The following GABRB2 variants were observed in gnomAD, a reference collection of about 807,000 sequenced individuals.
GABRB2 encodes gamma-aminobutyric acid type A receptor subunit beta2.
A neutral mutation model predicts 54.7 loss-of-function variants in GABRB2; 16 were observed. The ratio of observed to expected loss-of-function variants is 0.29; its 90% CI spans 0.20 to 0.44. The LOEUF (loss-of-function observed/expected upper bound fraction) is 0.44, where lower values mean the gene tolerates loss of function less well. GABRB2 is among the 20% of genes least tolerant of loss of function. The pLI is 1.00. For synonymous variants in GABRB2, 244 were observed against 233.8 expected (o/e 1.04, Z -0.40); for missense variants, 355 against 644.0 (o/e 0.55, Z 4.86).
intron 3 of GABRB2, among the ~76,000 whole-genome samples, chr5:161,492,724 A>G (rs1759119807): frequency 6.6e-6 from 1 of 151,704 alleles, no homozygotes; most frequent in African/African-American, 2.4e-5. Flanking sequence ...TTACATCTAC[A>G]CCACAAAAGG....
intron 9 of GABRB2, among the ~76,000 whole-genome samples, chr5:161,305,178 G>A (rs1304121103): frequency 6.0e-5 from 9 of 151,138 alleles, no homozygotes; most frequent in African/African-American, 2.2e-4. Context: ...CACCGCGCCC[G>A]GCTAATTTTT....
At chr5:161,411,814 T>TTATATA (rs202054186) in intron 4 of GABRB2, among the ~76,000 whole-genome samples, 10 of 149,596 alleles carry the variant, frequency 6.7e-5, no homozygotes, top group African/African-American at 2.4e-4. Context: ...CATTTAGAGT[T>TTATATA]TATATATATA....
chr5:161,540,707 T>C (rs369662511), intron 3 of GABRB2, among the ~76,000 whole-genome samples: 4 of 152,158 alleles, frequency 2.6e-5, no homozygotes, highest in African/African-American at 7.2e-5. Flanking sequence ...AGAATGGATG[T>C]TGTGTTAGCA....
intron 4 of GABRB2, among the ~76,000 whole-genome samples, chr5:161,435,623 G>A (rs1189995108): frequency 6.6e-6 from 1 of 152,164 alleles, no homozygotes; most frequent in Non-Finnish European, 1.5e-5. Context: ...AAGTGAGAGG[G>A]AAGAGGGCGG....
chr5:161,500,828 G>A (rs949926034), intron 3 of GABRB2, among the ~76,000 whole-genome samples: 1 of 151,910 alleles, frequency 6.6e-6, no homozygotes, highest in Non-Finnish European at 1.5e-5. Context: ...AATGTTTCTT[G>A]ATTTTTTTTT....
intron 3 of GABRB2, among the ~76,000 whole-genome samples, chr5:161,483,064 C>A (rs766134506): frequency 3.3e-5 from 5 of 151,950 alleles, no homozygotes; most frequent in South Asian, 2.1e-4. Context: ...TAATGGCTAC[C>A]AATAAGTCCT....
intron 5 of GABRB2, among the ~76,000 whole-genome samples, chr5:161,393,104 C>T (rs1256720508): frequency 6.6e-6 from 1 of 150,880 alleles, no homozygotes; most frequent in Non-Finnish European, 1.5e-5. Flanking sequence ...AAAATAAAAA[C>T]ATGAAAGGTA....
intron 5 of GABRB2, among the ~76,000 whole-genome samples, chr5:161,363,388 G>T (rs1396395910): frequency 1.3e-5 from 2 of 152,114 alleles, no homozygotes; most frequent in Non-Finnish European, 2.9e-5. Context: ...GGGGCTGGGG[G>T]GCTGAGGGAG....
chr5:161,495,071 A>G (rs1358075035), intron 3 of GABRB2, among the ~76,000 whole-genome samples: 3 of 152,020 alleles, frequency 2.0e-5, no homozygotes, highest in Non-Finnish European at 4.4e-5. Context: ...TTAATACCAA[A>G]GATCACATGA....
intron 3 of GABRB2, among the ~76,000 whole-genome samples, chr5:161,537,723 T>C (rs527344948): frequency 3.9e-5 from 6 of 152,204 alleles, no homozygotes; most frequent in East Asian, 3.9e-4. Flanking sequence ...AATCTGTTCA[T>C]GCAATTCTAT....
At chr5:161,506,216 G>C (rs954635424) in intron 3 of GABRB2, among the ~76,000 whole-genome samples, 2 of 151,868 alleles carry the variant, frequency 1.3e-5, no homozygotes, top group African/African-American at 4.8e-5. Context: ...TTTAACAAAT[G>C]GGCAAAACCT....
chr5:161,511,126 A>T (rs2113404449), intron 3 of GABRB2, among the ~76,000 whole-genome samples: 1 of 152,112 alleles, frequency 6.6e-6, no homozygotes, highest in Non-Finnish European at 1.5e-5. Context: ...ATGCCTCATT[A>T]TAGGGGTACT....
At chr5:161,294,990 C>T (rs1399981193) in intron 9 of GABRB2, among the ~76,000 whole-genome samples, 1 of 152,142 alleles carries the variant, frequency 6.6e-6, no homozygotes, top group East Asian at 1.9e-4. Context: ...TATGAGATGT[C>T]ACCTTAAATT....
intron 5 of GABRB2, among the ~76,000 whole-genome samples, chr5:161,374,780 T>C (rs150197524): frequency 4.6e-5 from 7 of 152,184 alleles, no homozygotes; most frequent in Admixed American, 2.6e-4. Flanking sequence ...CTGATCTTCA[T>C]GGGTACACAT....
At chr5:161,513,923 G>C (rs1759856973) in intron 3 of GABRB2, among the ~76,000 whole-genome samples, 1 of 152,114 alleles carries the variant, frequency 6.6e-6, no homozygotes, top group Admixed American at 6.6e-5. Flanking sequence ...AGCTGGAGAT[G>C]AGCTATAATA....
At chr5:161,398,072 A>T (rs1052455303) in intron 5 of GABRB2, among the ~76,000 whole-genome samples, 1 of 152,210 alleles carries the variant, frequency 6.6e-6, no homozygotes, top group East Asian at 1.9e-4. Context: ...GAGACAGATA[A>T]ATAAATGTGA....
intron 3 of GABRB2, among the ~76,000 whole-genome samples, chr5:161,460,557 A>G (rs757164594): frequency 2.0e-4 from 31 of 152,204 alleles, no homozygotes; most frequent in Non-Finnish European, 3.8e-4. Flanking sequence ...TGAGATATAA[A>G]CACAATTTTA....
At chr5:161,306,171 A>G (rs1757685471) in intron 9 of GABRB2, among the ~76,000 whole-genome samples, 1 of 152,226 alleles carries the variant, frequency 6.6e-6, no homozygotes, top group Non-Finnish European at 1.5e-5. Flanking sequence ...TTGGACATAC[A>G]AAACCAGTCA....
At chr5:161,514,589 G>T (rs1278264749) in intron 3 of GABRB2, among the ~76,000 whole-genome samples, 1 of 152,110 alleles carries the variant, frequency 6.6e-6, no homozygotes, top group Non-Finnish European at 1.5e-5. Context: ...GTGTGTGTGT[G>T]TGTGTATGTG....
Sources: gnomAD v4.1 joint callset for allele counts (sites outside exome capture counted in the v4.1 genomes callset) on GRCh38, gnomAD v4.1.1 for gene constraint, MANE v1.5 for transcripts, NCBI Gene and HGNC (gene_info 2026-07-23, HGNC 2026-07-21) for gene names.